The following GAS2 variants were observed in gnomAD, a reference collection of about 807,000 sequenced individuals.
The protein encoded by GAS2 is growth arrest-specific protein 2.
Under a neutral mutation model 37.5 loss-of-function variants are expected in GAS2, and 20 were observed. The observed-to-expected ratio is 0.53, with a 90% CI of 0.37 to 0.77. GAS2 has a LOEUF of 0.77. Ranked by LOEUF, GAS2 falls within the 30% of genes least tolerant of loss-of-function variation. The probability of loss-of-function intolerance (pLI) is 0.00; values close to 1 mark genes in which losing one functional copy is unlikely to be tolerated. For missense variants in GAS2, 336 were observed against 373.4 expected, an observed-to-expected ratio of 0.90 and a Z score of 0.82; for synonymous variants, 144 against 132.2, an observed-to-expected ratio of 1.09 and a Z score of -0.61.
In GAS2 at chr11:22,633,884, G is replaced by A. The variant is rs1858781805; in HGVS notation, c.-21+8071G>A. Among the ~76,000 whole-genome samples the A allele has an allele frequency of 2.6e-5, 4 of 152,154 alleles. No individual in the cohort carries two copies. The South Asian group carries it at 6.2e-4, about 24-fold the overall frequency. On this transcript the variant is annotated intron_variant, in intron 1 of 5. Coordinates refer to the GAS2 transcript ENST00000528582. Reference sequence around the variant, plus strand: ...CCCTCATGTAAGTCTGCACCTGGAGGGCACTCCTCCTGTGGGGATGCAGTC... The same window carrying A: ...CCCTCATGTAAGTCTGCACCTGGAGAGCACTCCTCCTGTGGGGATGCAGTC...
chr11:22,700,670 A>C (rs751094344), intron 3 of GAS2, among the ~76,000 whole-genome samples: 1 of 152,214 alleles, frequency 6.6e-6, no homozygotes, highest in Non-Finnish European at 1.5e-5. Flanking sequence ...AAAGGTAAAA[A>C]TTATGATAAA....
At chr11:22,636,454 C>A (rs112296319) in intron 1 of GAS2, among the ~76,000 whole-genome samples, 2,281 of 152,262 alleles carry the variant, frequency 0.015, 55 homozygotes, top group African/African-American at 0.052. Flanking sequence ...CACTTACCCT[C>A]CCACATTGCA....
rs1000822139 is a variant in GAS2 at position 22,721,424 on chromosome 11, C to T, written c.268-4868C>T. 4.6e-5 allele frequency among the ~76,000 whole-genome samples: 7 copies of T among 151,980 alleles called. No homozygotes were observed. The South Asian group carries it at 1.5e-3, about 32-fold the overall frequency. Reference sequence around the variant, plus strand: ...ATGTACAATTTTTGAAAATGACTTTCATGTTTGTATGTCTTAGTAACTACA... The same window carrying T: ...ATGTACAATTTTTGAAAATGACTTTTATGTTTGTATGTCTTAGTAACTACA... On this transcript the variant is annotated intron_variant, in intron 3 of 7. Transcript: ENST00000454584.
At chr11:22,807,376 G>T (rs1365803681) in intron 7 of GAS2, among the ~76,000 whole-genome samples, 1 of 152,224 alleles carries the variant, frequency 6.6e-6, no homozygotes, top group African/African-American at 2.4e-5. Context: ...GTATAAGGCA[G>T]TGTCTCACGT....
chr11:22,731,254 G>C (rs1455319183), intron 4 of GAS2: 1 of 388,250 alleles, frequency 2.6e-6, no homozygotes, highest in Non-Finnish European at 5.2e-6. Flanking sequence ...AAAGGGATGG[G>C]GAAGTATTTT....
At chr11:22,781,671 C>A (rs2134493540) in intron 7 of GAS2, among the ~76,000 whole-genome samples, 1 of 152,154 alleles carries the variant, frequency 6.6e-6, no homozygotes. Flanking sequence ...GTGTTTGGAG[C>A]TAAAGATAAT....
intron 1 of GAS2, among the ~76,000 whole-genome samples, chr11:22,632,901 G>A (rs1337409671): frequency 6.6e-6 from 1 of 151,372 alleles, no homozygotes; most frequent in Non-Finnish European, 1.5e-5. Context: ...TGTTTCCAGA[G>A]TTCTGATTTT....
intron 1 of GAS2, among the ~76,000 whole-genome samples, chr11:22,649,904 T>C (rs948167358): frequency 6.6e-5 from 10 of 152,226 alleles, no homozygotes; most frequent in African/African-American, 2.2e-4. Flanking sequence ...GGGTTTTTTG[T>C]GTCTCTATTT....
At chr11:22,697,257 T>C (rs1850574649) in intron 3 of GAS2, among the ~76,000 whole-genome samples, 1 of 151,932 alleles carries the variant, frequency 6.6e-6, no homozygotes, top group African/African-American at 2.4e-5. Flanking sequence ...TAGTTGTAGA[T>C]AAGTGGCGTT....
chr11:22,708,128 GC>G (rs1158202562), intron 3 of GAS2, among the ~76,000 whole-genome samples: 1 of 152,070 alleles, frequency 6.6e-6, no homozygotes, highest in East Asian at 1.9e-4. Context: ...AAGAATCAAA[GC>G]TACCATAATT....
chr11:22,670,034 T>C (rs1849139207), intron 1 of GAS2, among the ~76,000 whole-genome samples: 1 of 152,180 alleles, frequency 6.6e-6, no homozygotes, highest in African/African-American at 2.4e-5. Context: ...CTGGGTGGTT[T>C]ATTCTTTGAG....
At position 22,812,246 on chromosome 11, in the gene GAS2, C is replaced by A; in HGVS notation, c.*230C>A. ...AAATTTAAATTATCCAAATTTTAGG[C>A]AAATTATTATTTCTCAATATGCGAA... is the stretch of plus-strand genomic sequence containing the variant. On this transcript the variant is annotated 3_prime_UTR_variant, in exon 8 of 8. Transcript: ENST00000454584. The A allele has an allele frequency of 2.1e-6, 1 of 471,698 alleles. No individual in the cohort carries two copies. The highest frequency in any genetic ancestry group is 3.7e-5 in the East Asian group (1 of 27,234). 29.2% of individuals were successfully genotyped at this position (471,698 alleles called of 1,614,324 possible).
intron 1 of GAS2, among the ~76,000 whole-genome samples, chr11:22,644,526 C>T (rs1374162088): frequency 8.5e-5 from 13 of 152,090 alleles, no homozygotes; most frequent in Non-Finnish European, 1.9e-4. Context: ...ATTTCTGTTC[C>T]CTTTATTCTT....
At chr11:22,640,255 G>T (rs568234683) in intron 1 of GAS2, among the ~76,000 whole-genome samples, 1 of 152,272 alleles carries the variant, frequency 6.6e-6, no homozygotes, top group African/African-American at 2.4e-5. Context: ...GCCAGCAGCA[G>T]AAAGACCGTA....
At chr11:22,772,713 C>T (rs368953411) in intron 7 of GAS2, among the ~76,000 whole-genome samples, 34 of 152,202 alleles carry the variant, frequency 2.2e-4, no homozygotes, top group African/African-American at 6.0e-4. Context: ...CTCTGCCTTC[C>T]GTCTTTTCCC....
intron 3 of GAS2, among the ~76,000 whole-genome samples, chr11:22,698,279 T>C (rs576183545): frequency 6.6e-6 from 1 of 152,226 alleles, no homozygotes; most frequent in South Asian, 2.1e-4. Context: ...AAGAAATGGA[T>C]AAATTCCTCA....
intron 7 of GAS2, among the ~76,000 whole-genome samples, chr11:22,774,817 G>A (rs10833811): frequency 0.39 from 59,293 of 151,724 alleles, 11,749 homozygotes; most frequent in Non-Finnish European, 0.4. Context: ...TCAAGAAAGG[G>A]TATCTGCAGA....
chr11:22,778,619 T>C (rs1260759555), intron 7 of GAS2, among the ~76,000 whole-genome samples: 2 of 152,188 alleles, frequency 1.3e-5, no homozygotes, highest in African/African-American at 4.8e-5. Context: ...AGTGCAAAAG[T>C]TGGCTTATTT....
intron 3 of GAS2, among the ~76,000 whole-genome samples, chr11:22,688,107 G>C (rs1434580416): frequency 2.0e-5 from 3 of 152,102 alleles, no homozygotes; most frequent in Non-Finnish European, 4.4e-5. Context: ...TAGGTCAAAG[G>C]CTTTGACATT....
Sources: allele counts gnomAD v4.1 joint callset (sites outside exome capture counted in the v4.1 genomes callset), GRCh38; gene constraint gnomAD v4.1.1; transcripts MANE v1.5; gene names NCBI Gene and HGNC (gene_info 2026-07-23, HGNC 2026-07-21).